Variants in LYPD8 observed in about 807,000 individuals in gnomAD.
LYPD8 encodes the protein ly6/PLAUR domain-containing protein 8.
Under a neutral mutation model 1.7 loss-of-function variants are expected in LYPD8, and 8 were observed. The observed-to-expected ratio is 4.58, with a 90% CI of 2.69 to 8.27. LYPD8 has a LOEUF of 8.27. LYPD8 is among the 30% of genes most tolerant of loss of function. The pLI, the probability that LYPD8 is intolerant of heterozygous loss-of-function variation, is 0.00. For synonymous variants in LYPD8, 50 were observed against 43.6 expected (o/e 1.15, Z -0.58); for missense variants, 112 against 102.3 (o/e 1.09, Z -0.41).
At chr1:248,753,465 CAACACACCACATCACACACACAT>C in intron 2 of LYPD8, among the ~76,000 whole-genome samples, 1 of 126,504 alleles carries the variant, frequency 7.9e-6, no homozygotes, top group East Asian at 2.7e-4. Flanking sequence ...ACACCCCACA[CAACACACCACATCACACACACAT>C]CACACAACAC....
intron 5 of LYPD8, 30 bp from the exon 6 acceptor site, chr1:248,745,309 A>G: frequency 5.0e-6 from 2 of 398,514 alleles, no homozygotes; most frequent in Middle Eastern, 6.3e-4. Flanking sequence ...TACTCAGGAC[A>G]GTGTTATCAT....
At chr1:248,752,822 ATCACACACAC>A (rs1662833731) in intron 2 of LYPD8, among the ~76,000 whole-genome samples, 1 of 73,632 alleles carries the variant, frequency 1.4e-5, no homozygotes, top group Non-Finnish European at 2.4e-5. Flanking sequence ...CACACATCAC[ATCACACACAC>A]CACACCCCAC....
chr1:248,753,420 CACACACAACACACACA>C (rs1662864859), intron 2 of LYPD8, among the ~76,000 whole-genome samples: 1 of 119,916 alleles, frequency 8.3e-6, no homozygotes, highest in East Asian at 2.8e-4. Flanking sequence ...CACCACACAC[CACACACAACACACACA>C]ACACAACACA....
At chr1:248,743,866 G>T (rs1572153561) in intron 6 of LYPD8, among the ~76,000 whole-genome samples, 1 of 152,242 alleles carries the variant, frequency 6.6e-6, no homozygotes, top group East Asian at 1.9e-4. Flanking sequence ...GGGGGCCAGA[G>T]CTACAAGACA....
In LYPD8 at chr1:248,739,930, C is replaced by A; in HGVS notation, c.476-81G>T. The A allele has an allele frequency of 6.6e-7, 1 of 1,517,444 alleles. No individual in the cohort carries two copies. Among genetic ancestry groups the A allele is most frequent in the South Asian group, 1.2e-5 (1 of 81,568 alleles). The allele number at this position is 1,517,444 out of a possible 1,614,324, so 94.0% of individuals were successfully genotyped here. On this transcript the variant is annotated intron_variant, in intron 6 of 6. Coordinates refer to ENST00000590317, the MANE Select transcript of LYPD8 (RefSeq NM_001085474.2). This position sits in a 1 kb window ranked among gnomAD's most constrained non-coding sequence, Gnocchi z 4.3. ...ACGCCTGCTCTTAGTTCTTCACCTG[C>A]AGCACGGTGGCCCGGTGACCAGCAA... is the stretch of plus-strand genomic sequence containing the variant.
At chr1:248,751,610 C>T (rs1189816586) in intron 2 of LYPD8, among the ~76,000 whole-genome samples, 3 of 152,170 alleles carry the variant, frequency 2.0e-5, no homozygotes, top group African/African-American at 7.2e-5. Flanking sequence ...CCATTCCAAA[C>T]ACTTTACAGG....
chr1:248,753,123 A>AATAAAG (rs1662850393), intron 2 of LYPD8, among the ~76,000 whole-genome samples: 1 of 70,592 alleles, frequency 1.4e-5, no homozygotes, highest in Admixed American at 1.6e-4. Context: ...CAACACACAC[A>AATAAAG]ACACAACACA....
At chr1:248,752,784 C>CCACAG (rs1662830056) in intron 2 of LYPD8, among the ~76,000 whole-genome samples, 1 of 103,986 alleles carries the variant, frequency 9.6e-6, no homozygotes, top group Non-Finnish European at 1.9e-5. Context: ...ACAACACACA[C>CCACAG]CACACACACA....
intron 2 of LYPD8, among the ~76,000 whole-genome samples, chr1:248,753,775 ACAC>A (rs1333597109): frequency 3.3e-5 from 5 of 149,984 alleles, no homozygotes; most frequent in African/African-American, 1.2e-4. Context: ...CATCACACAC[ACAC>A]CACACATCAC....
At position 248,745,132 on chromosome 1, in the gene LYPD8, C is replaced by T. The variant is rs1275323647; in HGVS notation, c.475+10G>A. 2 of 398,336 alleles carry T rather than the reference C, an allele frequency of 5.0e-6. No homozygotes were observed. Among genetic ancestry groups the T allele is most frequent in the Non-Finnish European group, 8.8e-6 (2 of 226,006 alleles). The allele number at this position is 398,336 out of a possible 1,614,324, so 24.7% of individuals were successfully genotyped here. On this transcript the variant is annotated intron_variant, in intron 6 of 6. Transcript: ENST00000590317. ...AAGTCCCATAGAGGAATTAGAACTC[C>T]AAGACTTACCATTCTTAAGTTCTGC...
intron 2 of LYPD8, among the ~76,000 whole-genome samples, chr1:248,754,083 TACAC>T (rs1662886541): frequency 1.0e-5 from 1 of 99,302 alleles, no homozygotes; most frequent in African/African-American, 4.4e-5. Context: ...ACCACACACA[TACAC>T]CACATACACA....
intron 6 of LYPD8, among the ~76,000 whole-genome samples, chr1:248,744,202 G>A (rs782039574): frequency 1.3e-5 from 2 of 152,210 alleles, no homozygotes; most frequent in Non-Finnish European, 2.9e-5. Flanking sequence ...ATAGTGAAGT[G>A]CTGGTTTTCC....
chr1:248,752,857 C>CAA (rs1662836113), intron 2 of LYPD8, among the ~76,000 whole-genome samples: 1 of 100,088 alleles, frequency 1.0e-5, no homozygotes, highest in Non-Finnish European at 2.0e-5. Flanking sequence ...ACACACCACA[C>CAA]CACACACACA....
chr1:248,739,859 C>A lies in LYPD8; in HGVS notation c.476-10G>T, dbSNP rs1207860362. Reference sequence around the variant, plus strand: ...CTCTTAGACTCAATGTCTGTGAATGCAAAGGAGACAGGAGGGACGCCACTC... The same window carrying A: ...CTCTTAGACTCAATGTCTGTGAATGAAAAGGAGACAGGAGGGACGCCACTC... On this transcript the variant is annotated splice_polypyrimidine_tract_variant and intron_variant, in intron 6 of 6. Coordinates refer to ENST00000590317, the MANE Select transcript of LYPD8 (RefSeq NM_001085474.2). The surrounding 1 kb of genome is among the most constrained non-coding windows in gnomAD (Gnocchi z 4.3). 38 of 1,551,658 alleles carry A rather than the reference C, an allele frequency of 2.4e-5. No homozygotes were observed. The highest frequency in any genetic ancestry group is 9.8e-5 in the Admixed American group (5 of 51,006).
rs1470589950 is a variant in LYPD8, at chr1:248,753,614, C to A, written c.-50+1625G>T. ...ACAACACAACACACACACCACACAC[C>A]CCACACAACACACACAACACACCAC... On this transcript the variant is annotated intron_variant, in intron 2 of 6. Coordinates refer to ENST00000590317, the MANE Select transcript of LYPD8 (RefSeq NM_001085474.2). Among the ~76,000 whole-genome samples, 203 of 133,662 alleles carry A rather than the reference C, an allele frequency of 1.5e-3. 12 individuals carry two copies. The highest frequency in any genetic ancestry group is 3.6e-3 in the East Asian group (14 of 3,836). The allele number at this position is 133,662 out of a possible 152,430, so 87.7% of individuals were successfully genotyped here.
chr1:248,751,875 G>A (rs1257762252), intron 2 of LYPD8, among the ~76,000 whole-genome samples: 2 of 152,128 alleles, frequency 1.3e-5, no homozygotes, highest in Non-Finnish European at 2.9e-5. Context: ...CAAATAGCGT[G>A]TCACCAATGT....
At chr1:248,749,564 G>A (rs1291249995) in intron 4 of LYPD8, among the ~76,000 whole-genome samples, 2 of 152,194 alleles carry the variant, frequency 1.3e-5, no homozygotes, top group African/African-American at 4.8e-5. Context: ...AAGGGCAAGA[G>A]AGGGTGAGAG....
chr1:248,748,297 T>C lies in LYPD8; in HGVS notation c.329A>G (p.Asp110Gly). Residue 110 changes from aspartate (D) to glycine (G), a missense_variant, in exon 5 of 7, where the codon GAT becomes GGT. By Grantham distance (94) the Asp-to-Gly change is moderately conservative. Coordinates refer to ENST00000590317, the MANE Select transcript of LYPD8 (RefSeq NM_001085474.2). ...GCACGGCCAGCACCCACCCAGGGCA[T>C]CGCTGGTGTTGCTGCATTCCTTTCC... Reference protein sequence around the residue: ...CQGKECSNTSDALDPPLKNVS... With the variant: ...CQGKECSNTSGALDPPLKNVS... 2.1e-6 allele frequency: 1 copy of C among 472,476 alleles called. No homozygotes were observed. Among genetic ancestry groups the C allele is most frequent in the South Asian group, 4.0e-5 (1 of 25,290 alleles). 29.3% of individuals were successfully genotyped at this position (472,476 alleles called of 1,614,324 possible).
rs1572157515 is a variant in LYPD8, at chr1:248,755,235, C to T, written c.-50+4G>A. On this transcript the variant is annotated splice_donor_region_variant and intron_variant, in intron 2 of 6. Transcript: ENST00000590317. ...GAAGCTGGGGCTCAAGGCAGGGCCC[C>T]CACCTGGGACATGAGAAGAAGTGGC... is the stretch of plus-strand genomic sequence containing the variant. 1 of 152,270 alleles carries T rather than the reference C, an allele frequency of 6.6e-6. No homozygotes were observed. 9.4% of individuals were successfully genotyped at this position (152,270 alleles called of 1,614,324 possible).
Sources: gnomAD v4.1 joint callset for allele counts (sites outside exome capture counted in the v4.1 genomes callset) on GRCh38, gnomAD v4.1.1 for gene constraint, Gnocchi (gnomAD v3.1) non-coding constraint, MANE v1.5 for transcripts, NCBI Gene and HGNC (gene_info 2026-07-23, HGNC 2026-07-21) for gene names.